GRM5: variants seen among roughly 807,000 people sequenced by gnomAD.
GRM5 encodes the protein metabotropic glutamate receptor 5.
Under a neutral mutation model 83.1 loss-of-function variants are expected in GRM5, and 19 were observed. The ratio of observed to expected loss-of-function variants is 0.23; its 90% CI spans 0.16 to 0.34. GRM5 has a LOEUF of 0.34. Among genes scored for constraint, GRM5 ranks in the 10% least tolerant of loss-of-function variants. GRM5 has a pLI of 1.00. For synonymous variants in GRM5, 675 were observed against 633.6 expected (o/e 1.07, Z -0.98); for missense variants, 1,160 against 1,588.3 (o/e 0.73, Z 4.58).
At chr11:88,990,642 C>G (rs1939930885) in intron 2 of GRM5, among the ~76,000 whole-genome samples, 2 of 149,580 alleles carry the variant, frequency 1.3e-5, no homozygotes, top group African/African-American at 4.9e-5. Flanking sequence ...AATCCAGCAG[C>G]ACATCAAAAA....
At chr11:88,962,437 T>TA (rs1434041166) in intron 2 of GRM5, among the ~76,000 whole-genome samples, 1 of 152,220 alleles carries the variant, frequency 6.6e-6, no homozygotes, top group Non-Finnish European at 1.5e-5. Flanking sequence ...TTCATATATC[T>TA]ACTCATCCAA....
At chr11:88,665,242 A>G (rs1940012373) in intron 3 of GRM5, among the ~76,000 whole-genome samples, 1 of 151,562 alleles carries the variant, frequency 6.6e-6, no homozygotes, top group Non-Finnish European at 1.5e-5. Flanking sequence ...ATCGTCAAAT[A>G]GAGAACTGCC....
At chr11:88,977,957 T>C (rs573554270) in intron 2 of GRM5, among the ~76,000 whole-genome samples, 1 of 152,304 alleles carries the variant, frequency 6.6e-6, no homozygotes, top group Admixed American at 6.5e-5. Flanking sequence ...CACAAAATTG[T>C]TTTATTACCC....
At chr11:88,951,210 G>A (rs191887957) in intron 2 of GRM5, among the ~76,000 whole-genome samples, 56 of 152,174 alleles carry the variant, frequency 3.7e-4, no homozygotes, top group South Asian at 6.2e-4. Flanking sequence ...GAAAGAGAGT[G>A]GTTAACATTT....
chr11:88,854,262 T>C (rs1175201953), intron 2 of GRM5, among the ~76,000 whole-genome samples: 1 of 151,810 alleles, frequency 6.6e-6, no homozygotes, highest in Admixed American at 6.6e-5. Flanking sequence ...TCAATGTCTA[T>C]TTCCAGATTA....
chr11:88,648,145 A>G (rs1184350495), intron 4 of GRM5, among the ~76,000 whole-genome samples: 1 of 152,144 alleles, frequency 6.6e-6, no homozygotes, highest in African/African-American at 2.4e-5. Context: ...CCACCATCCC[A>G]TTACTGGGTA....
intron 4 of GRM5, among the ~76,000 whole-genome samples, chr11:88,616,780 A>C (rs2135250126): frequency 6.6e-6 from 1 of 152,282 alleles, no homozygotes; most frequent in East Asian, 1.9e-4. Context: ...TATATTAAAC[A>C]TTCAATACAA....
intron 2 of GRM5, among the ~76,000 whole-genome samples, chr11:88,957,425 A>G (rs1938654881): frequency 6.6e-6 from 1 of 152,212 alleles, no homozygotes; most frequent in Non-Finnish European, 1.5e-5. Flanking sequence ...GCATTAAGTG[A>G]GAAAACAAGC....
intron 2 of GRM5, among the ~76,000 whole-genome samples, chr11:88,951,482 G>A (rs1375124632): frequency 3.9e-5 from 6 of 152,172 alleles, no homozygotes; most frequent in Admixed American, 2.6e-4. Flanking sequence ...TGTGTTGGAC[G>A]GTAAGAGCTG....
intron 3 of GRM5, among the ~76,000 whole-genome samples, chr11:88,820,694 A>C (rs901475259): frequency 3.3e-5 from 5 of 152,206 alleles, no homozygotes; most frequent in Non-Finnish European, 2.9e-5. Context: ...ATGTATACAA[A>C]ATATTTCGTA....
chr11:88,761,598 A>C (rs1942516833), intron 3 of GRM5, among the ~76,000 whole-genome samples: 1 of 152,148 alleles, frequency 6.6e-6, no homozygotes, highest in Non-Finnish European at 1.5e-5. Flanking sequence ...GAATAAGAAG[A>C]ATCAACATCA....
intron 7 of GRM5, among the ~76,000 whole-genome samples, chr11:88,586,902 A>G (rs1029417561): frequency 1.3e-5 from 2 of 152,200 alleles, no homozygotes; most frequent in African/African-American, 4.8e-5. Flanking sequence ...CACACTGTCT[A>G]TATAGGATAA....
rs942685742 is a variant in GRM5 at position 89,010,914 on chromosome 11, G to A, written c.661+36298C>T. 3.9e-5 allele frequency among the ~76,000 whole-genome samples: 6 copies of A among 152,302 alleles called. No homozygotes were observed. In the South Asian group the frequency reaches 1.2e-3, roughly 32 times the overall value. ...GATTATGAGAAAATGAGAAGCCTTA[G>A]TGGTCTGAGGCATCCTGATGGACTC... is the stretch of plus-strand genomic sequence containing the variant. On this transcript the variant is annotated intron_variant, in intron 2 of 9. Coordinates refer to ENST00000305447, the MANE Select transcript of GRM5 (RefSeq NM_001143831.3).
intron 3 of GRM5, among the ~76,000 whole-genome samples, chr11:88,742,564 C>T (rs893243629): frequency 3.3e-5 from 5 of 152,096 alleles, no homozygotes; most frequent in Non-Finnish European, 7.4e-5. Flanking sequence ...CTGGGAGTCT[C>T]ATATCCTCTC....
In GRM5 at chr11:88,847,247, A is replaced by G. The variant is rs552285750; in HGVS notation, c.911+2659T>C. Among the ~76,000 whole-genome samples, 5 of 152,320 alleles carry G rather than the reference A, an allele frequency of 3.3e-5. No individual in the cohort carries two copies. In the East Asian group the frequency reaches 7.7e-4, roughly 24 times the overall value. ...AGATATGGGTTTTTTCATAACACTTATATGACCTTCTATCTAACTTATCTG... is the reference window on the plus strand; with the variant it reads ...AGATATGGGTTTTTTCATAACACTTGTATGACCTTCTATCTAACTTATCTG... On this transcript the variant is annotated intron_variant, in intron 3 of 9. Coordinates refer to ENST00000305447, the MANE Select transcript of GRM5 (RefSeq NM_001143831.3).
intron 8 of GRM5, among the ~76,000 whole-genome samples, chr11:88,564,810 G>A (rs1391514135): frequency 3.9e-5 from 6 of 152,176 alleles, no homozygotes; most frequent in Middle Eastern, 3.2e-3. Flanking sequence ...TTGGAAGACA[G>A]GATGTGCTAT....
chr11:88,719,477 G>A (rs1378939250), intron 3 of GRM5, among the ~76,000 whole-genome samples: 1 of 152,032 alleles, frequency 6.6e-6, no homozygotes, highest in African/African-American at 2.4e-5. Flanking sequence ...GGGCATTTAG[G>A]TTGATTCCAT....
intron 2 of GRM5, among the ~76,000 whole-genome samples, chr11:88,885,698 T>A (rs1945033681): frequency 6.6e-6 from 1 of 151,986 alleles, no homozygotes; most frequent in African/African-American, 2.4e-5. Context: ...GTCTCTTTGA[T>A]ATAGAAGTTA....
intron 3 of GRM5, among the ~76,000 whole-genome samples, chr11:88,679,915 T>A (rs1189072823): frequency 8.1e-6 from 1 of 122,926 alleles, no homozygotes; most frequent in African/African-American, 3.1e-5. Flanking sequence ...ATTCTTCATC[T>A]TCTTAATCTG....
Sources: allele counts gnomAD v4.1 joint callset (sites outside exome capture counted in the v4.1 genomes callset), GRCh38; gene constraint gnomAD v4.1.1; transcripts MANE v1.5; gene names NCBI Gene and HGNC (gene_info 2026-07-23, HGNC 2026-07-21).